Variants in PZP observed in about 807,000 individuals in gnomAD.
PZP encodes the protein PZP alpha-2-macroglobulin like, also known as pregnancy zone protein.
Under a neutral mutation model 179.8 loss-of-function variants are expected in PZP, and 150 were observed. The ratio of observed to expected loss-of-function variants is 0.83; its 90% CI spans 0.73 to 0.96. PZP has a LOEUF of 0.96. Among genes scored for constraint, PZP ranks in the 40% least tolerant of loss-of-function variants. The probability of loss-of-function intolerance (pLI) is 0.00; values close to 1 mark genes in which losing one functional copy is unlikely to be tolerated. For missense variants in PZP, 1,689 were observed against 1,764.0 expected, an observed-to-expected ratio of 0.96 and a Z score of 0.76; for synonymous variants, 624 against 652.3, an observed-to-expected ratio of 0.96 and a Z score of 0.66.
At chr12:9,207,068 G>C (rs1944471463) in intron 1 of PZP, among the ~76,000 whole-genome samples, 1 of 152,172 alleles carries the variant, frequency 6.6e-6, no homozygotes, top group African/African-American at 2.4e-5. Flanking sequence ...CAAGGAAAAA[G>C]CCTGAGGAAA....
Position 9,153,145 on chromosome 12 carries a change from C to G in PZP, c.3973G>C (p.Glu1325Gln). The change falls in exon 30 of 36, where the codon GAA becomes CAA. Residue 1325 changes from glutamate (E) to glutamine (Q), a missense_variant. This residue lies in a region of PZP where 746 missense variants were observed against 749.2 expected (regional missense o/e 1.00). Coordinates refer to ENST00000261336, the MANE Select transcript of PZP (RefSeq NM_002864.3). ...PGEYVITVTG[E>Q]RCVYLQTSMK... ...CCTACCTGAAGATACACACATCTTT[C>G]CCCAGTTACTGTTATGACATATTCT... The G allele has an allele frequency of 6.2e-7, 1 of 1,614,120 alleles. No individual in the cohort carries two copies. Among genetic ancestry groups the G allele is most frequent in the Non-Finnish European group, 8.5e-7 (1 of 1,179,970 alleles).
Position 9,153,147 on chromosome 12 carries a change from C to A in PZP, c.3971G>T (p.Gly1324Val), listed in dbSNP as rs758894104. 6.2e-7 allele frequency: 1 copy of A among 1,614,118 alleles called. No individual in the cohort carries two copies. The highest frequency in any genetic ancestry group is 8.5e-7 in the Non-Finnish European group (1 of 1,179,994). The stretch of plus-strand genomic sequence containing the variant: ...TACCTGAAGATACACACATCTTTCC[C>A]CAGTTACTGTTATGACATATTCTCC... Reference protein sequence around the residue: ...LPGEYVITVTGERCVYLQTSM... With the variant: ...LPGEYVITVTVERCVYLQTSM... The change falls in exon 30 of 36, where the codon GGG becomes GTG. Residue 1324 changes from glycine (G) to valine (V), a missense_variant. Physicochemically the swap from Gly to Val is moderately radical, Grantham distance 109. Coordinates refer to ENST00000261336, the MANE Select transcript of PZP (RefSeq NM_002864.3).
chr12:9,194,354 C>A (rs1943626960), intron 10 of PZP, 116 bp from the exon 11 acceptor site: 4 of 846,676 alleles, frequency 4.7e-6, no homozygotes, highest in East Asian at 2.6e-5. Context: ...CTCAAAAAAA[C>A]CCCACCAAAC....
rs1361943470 is a variant in PZP, at chr12:9,154,156, T to C, written c.3774+460A>G. Among the ~76,000 whole-genome samples the C allele has an allele frequency of 2.6e-5, 4 of 152,350 alleles. No individual in the cohort carries two copies. In the East Asian group the frequency reaches 7.7e-4, roughly 29 times the overall value. ...AGGATTTCTTGTTAGATTCTGAAGATGTCTGGAACATTGGTTCCCAACTGG... is the reference window on the plus strand; with the variant it reads ...AGGATTTCTTGTTAGATTCTGAAGACGTCTGGAACATTGGTTCCCAACTGG... On this transcript the variant is annotated intron_variant, in intron 29 of 35. Transcript: ENST00000261336.
At chr12:9,166,270 G>A (rs963736921) in intron 17 of PZP, 68 bp from the exon 18 acceptor site, 41 of 1,509,686 alleles carry the variant, frequency 2.7e-5, no homozygotes, top group Non-Finnish European at 3.1e-5. Flanking sequence ...CATGTGAGAC[G>A]TTAGAGAACA....
intron 15 of PZP, among the ~76,000 whole-genome samples, chr12:9,176,387 A>T (rs756510216): frequency 6.6e-6 from 1 of 152,324 alleles, no homozygotes; most frequent in South Asian, 2.1e-4. Context: ...CTGTGCAGCA[A>T]ATCACCATGG....
At chr12:9,168,813 G>T in intron 17 of PZP, 56 bp downstream of exon 17, 2 of 1,303,086 alleles carry the variant, frequency 1.5e-6, no homozygotes, top group Non-Finnish European at 2.2e-6. Context: ...TTAGCATTTT[G>T]GGCATAGTAA....
chr12:9,136,661 T>C, the PZP span, among the ~76,000 whole-genome samples: 1 of 152,182 alleles, frequency 6.6e-6, no homozygotes, highest in Non-Finnish European at 1.5e-5. Flanking sequence ...ATACAAAGAT[T>C]CCAGTTTTCT....
intron 13 of PZP, among the ~76,000 whole-genome samples, chr12:9,188,832 A>G (rs745420975): frequency 6.6e-6 from 1 of 152,214 alleles, no homozygotes; most frequent in East Asian, 1.9e-4. Context: ...GAGGTGAAAG[A>G]TCTATACAAT....
intron 17 of PZP, among the ~76,000 whole-genome samples, chr12:9,166,613 G>A (rs74060496): frequency 0.039 from 5,868 of 152,168 alleles, 393 homozygotes; most frequent in African/African-American, 0.13. Context: ...CCAGTGGAGT[G>A]AACAGAATTT....
At chr12:9,152,801 G>A (rs1415987351) in intron 31 of PZP, 23 bp downstream of exon 31, 2 of 1,606,792 alleles carry the variant, frequency 1.2e-6, no homozygotes, top group Non-Finnish European at 1.7e-6. Context: ...CCAAAGATAG[G>A]TGATTAGGTT....
chr12:9,182,198 G>C (rs991589809), intron 13 of PZP, 81 bp from the exon 14 acceptor site: 1 of 423,846 alleles, frequency 2.4e-6, no homozygotes, highest in Middle Eastern at 6.8e-4. Flanking sequence ...GGACACTATT[G>C]CTTGGTCTTA....
chr12:9,200,253 G>T, intron 7 of PZP, 111 bp downstream of exon 7: 2 of 615,510 alleles, frequency 3.2e-6, no homozygotes, highest in East Asian at 2.9e-5. Flanking sequence ...GAAGTCAAAG[G>T]AGTAATATTA....
At chr12:9,191,845 T>C (rs1029533314) in intron 13 of PZP, among the ~76,000 whole-genome samples, 2 of 152,166 alleles carry the variant, frequency 1.3e-5, no homozygotes, top group Admixed American at 6.5e-5. Context: ...ATAATTACTT[T>C]TTTCTTCTCT....
chr12:9,136,735 C>G, the PZP span, among the ~76,000 whole-genome samples: 1 of 152,040 alleles, frequency 6.6e-6, no homozygotes, highest in African/African-American at 2.4e-5. Context: ...ATGTGTGAAG[C>G]GATATCTCAT....
In PZP at chr12:9,151,646, C is replaced by T. The variant is rs1327903209; in HGVS notation, c.4239G>A (p.Arg1413=). The change falls in exon 33 of 36, where the codon CGG becomes CGA. Residue 1413 remains arginine (R), a synonymous_variant. Transcript: ENST00000261336. ...GGACATGGTTGTTGCTCACTTCTGTCCGGCTCACAGAGCTAGATCTTTCAA... is the reference window on the plus strand; with the variant it reads ...GGACATGGTTGTTGCTCACTTCTGTTCGGCTCACAGAGCTAGATCTTTCAA... ...KMLERSSSVS[R]TEVSNNHVLI... is the part of the protein sequence containing the mutation. 5.0e-6 allele frequency: 8 copies of T among 1,613,882 alleles called. No individual in the cohort carries two copies. The highest frequency in any genetic ancestry group is 6.8e-6 in the Non-Finnish European group (8 of 1,179,886).
At chr12:9,186,467 A>T (rs142588007) in intron 13 of PZP, among the ~76,000 whole-genome samples, 12 of 152,304 alleles carry the variant, frequency 7.9e-5, no homozygotes, top group Non-Finnish European at 1.6e-4. Flanking sequence ...GGCAAGCCAG[A>T]TGAAGAAGCA....
rs764410004 is a variant in PZP, at chr12:9,157,192, T to A, written c.3533A>T (p.Lys1178Met). Reference protein sequence around the residue: ...QNREILNSLDKEAVKEDNLVH... With the variant: ...QNREILNSLDMEAVKEDNLVH... ...GCTCTCACCTTCTTTCACAGCTTCC[T>A]TATCAAGTGAGTTCAGTATTTCTCT... The change falls in exon 28 of 36, where the codon AAG becomes ATG. Residue 1178 changes from lysine to methionine, a missense_variant. Around this residue, in one of 3 missense-constraint regions of PZP, gnomAD observed 746 missense variants for 749.2 expected, o/e 1.00. Coordinates refer to ENST00000261336, the MANE Select transcript of PZP (RefSeq NM_002864.3). The A allele has an allele frequency of 3.1e-6, 5 of 1,613,672 alleles. No homozygotes were observed. The highest frequency in any genetic ancestry group is 4.2e-6 in the Non-Finnish European group (5 of 1,179,640).
downstream of PZP, chr12:9,148,715 C>G (rs1049208468): frequency 7.2e-6 from 3 of 417,390 alleles, no homozygotes; most frequent in Non-Finnish European, 1.3e-5. Flanking sequence ...AACCTCCACT[C>G]TGCTTTCCTA....
Sources: allele counts gnomAD v4.1 joint callset (sites outside exome capture counted in the v4.1 genomes callset), GRCh38; gene constraint gnomAD v4.1.1; regional missense constraint gnomAD v4.1.1; transcripts MANE v1.5; gene names NCBI Gene and HGNC (gene_info 2026-07-23, HGNC 2026-07-21).